CA10: variants seen among roughly 807,000 people sequenced by gnomAD.
CA10 encodes carbonic anhydrase 10 (inactive), also known as carbonic anhydrase-related protein 10.
CA10 carries 14 observed loss-of-function variants against 44.2 expected under a neutral mutation model. That is an observed-to-expected ratio of 0.32 (90% CI 0.21 to 0.50). The LOEUF (loss-of-function observed/expected upper bound fraction) is 0.50. Among genes scored for constraint, CA10 ranks in the 20% least tolerant of loss-of-function variants. CA10 has a pLI of 0.99. For missense variants in CA10, 350 were observed against 409.7 expected (o/e 0.85, Z 1.26); for synonymous variants, 159 against 141.6 (o/e 1.12, Z -0.87).
chr17:51,695,989 C>G (rs1021089533), intron 4 of CA10, among the ~76,000 whole-genome samples: 2 of 152,140 alleles, frequency 1.3e-5, no homozygotes, highest in Admixed American at 1.3e-4. Flanking sequence ...ATATATTGAA[C>G]CAACCTTGCA....
chr17:51,799,159 T>G (rs991690326), intron 3 of CA10, among the ~76,000 whole-genome samples: 1 of 152,216 alleles, frequency 6.6e-6, no homozygotes, highest in Non-Finnish European at 1.5e-5. Context: ...TCAATATGGT[T>G]CTTGGAAGGC....
At chr17:51,768,512 A>C (rs1905474485) in intron 3 of CA10, among the ~76,000 whole-genome samples, 1 of 152,214 alleles carries the variant, frequency 6.6e-6, no homozygotes, top group Non-Finnish European at 1.5e-5. Context: ...CTTAGTGCTC[A>C]ACTTTCAATA....
At chr17:51,854,690 T>C (rs542645966) in intron 3 of CA10, among the ~76,000 whole-genome samples, 2 of 151,852 alleles carry the variant, frequency 1.3e-5, no homozygotes, top group Non-Finnish European at 2.9e-5. Context: ...AGAGGGTATA[T>C]GGTACAAGGC....
chr17:51,925,344 C>T (rs1358280674), intron 3 of CA10, among the ~76,000 whole-genome samples: 4 of 151,868 alleles, frequency 2.6e-5, no homozygotes, highest in Non-Finnish European at 5.9e-5. Context: ...TGAAAGTCTG[C>T]CAATTCATTA....
chr17:52,150,070 A>G (rs1989671262), intron 1 of CA10, among the ~76,000 whole-genome samples: 1 of 152,148 alleles, frequency 6.6e-6, no homozygotes, highest in African/African-American at 2.4e-5. Context: ...AGTTGTGACT[A>G]TGTTCACTTT....
chr17:52,079,962 G>A (rs1048359153), intron 1 of CA10, among the ~76,000 whole-genome samples: 1 of 152,152 alleles, frequency 6.6e-6, no homozygotes, highest in Non-Finnish European at 1.5e-5. Context: ...AGAACATTGA[G>A]AATTGAACTG....
chr17:52,152,513 C>A (rs1989724445), intron 1 of CA10, among the ~76,000 whole-genome samples: 2 of 152,168 alleles, frequency 1.3e-5, no homozygotes, highest in Non-Finnish European at 2.9e-5. Context: ...TAATATACTC[C>A]TTTTCTTTCA....
At chr17:52,096,403 A>G (rs1408793987) in intron 1 of CA10, among the ~76,000 whole-genome samples, 1 of 152,182 alleles carries the variant, frequency 6.6e-6, no homozygotes, top group Non-Finnish European at 1.5e-5. Context: ...CCACTGGTCT[A>G]TCTTGTTTTC....
chr17:52,003,280 T>C (rs1985489678), intron 2 of CA10, among the ~76,000 whole-genome samples: 1 of 151,942 alleles, frequency 6.6e-6, no homozygotes, highest in South Asian at 2.1e-4. Flanking sequence ...CCTTTTTCAC[T>C]GTGACAACCA....
At chr17:51,976,111 A>C (rs1197179391) in intron 2 of CA10, among the ~76,000 whole-genome samples, 1 of 152,186 alleles carries the variant, frequency 6.6e-6, no homozygotes, top group African/African-American at 2.4e-5. Flanking sequence ...CATCAAGAAG[A>C]CATAAATCTT....
intron 2 of CA10, among the ~76,000 whole-genome samples, chr17:52,028,570 G>A (rs990260476): frequency 6.6e-6 from 1 of 152,142 alleles, no homozygotes; most frequent in Non-Finnish European, 1.5e-5. Context: ...TGGCTGTGGA[G>A]CCCTCCCAAA....
At chr17:52,036,590 T>G (rs138159905) in intron 2 of CA10, among the ~76,000 whole-genome samples, 3 of 152,234 alleles carry the variant, frequency 2.0e-5, no homozygotes, top group Non-Finnish European at 4.4e-5. Context: ...GAACAGATTG[T>G]GTAAGGCATA....
At chr17:51,814,941 C>T (rs1430506664) in intron 3 of CA10, among the ~76,000 whole-genome samples, 6 of 152,128 alleles carry the variant, frequency 3.9e-5, no homozygotes, top group East Asian at 1.9e-4. Flanking sequence ...CTTAAACATC[C>T]GGCCAAAGGT....
intron 3 of CA10, among the ~76,000 whole-genome samples, chr17:51,797,936 G>A (rs948398247): frequency 6.6e-6 from 1 of 151,284 alleles, no homozygotes; most frequent in Admixed American, 6.6e-5. Context: ...CTAGCATCTA[G>A]GGGCTACTGA....
chr17:51,810,760 T>G (rs1415610570), intron 3 of CA10, among the ~76,000 whole-genome samples: 4 of 152,146 alleles, frequency 2.6e-5, no homozygotes, highest in Non-Finnish European at 4.4e-5. Context: ...GGTTCCCTGT[T>G]GAGAAAAAGT....
At chr17:51,928,309 C>T (rs1982511947) in intron 3 of CA10, among the ~76,000 whole-genome samples, 1 of 152,044 alleles carries the variant, frequency 6.6e-6, no homozygotes, top group Admixed American at 6.6e-5. Context: ...AAATAAATCT[C>T]ATTTTTAAAT....
chr17:51,883,898 T>C (rs1039402792), intron 3 of CA10, among the ~76,000 whole-genome samples: 8 of 152,182 alleles, frequency 5.3e-5, no homozygotes, highest in African/African-American at 1.9e-4. Flanking sequence ...GTTTGACAAA[T>C]ATGTCAAACT....
intron 2 of CA10, among the ~76,000 whole-genome samples, chr17:51,931,372 C>A (rs1004851404): frequency 3.9e-5 from 6 of 152,104 alleles, no homozygotes; most frequent in African/African-American, 1.4e-4. Context: ...ACTCATCCTG[C>A]AGTTTCTTTG....
intron 3 of CA10, among the ~76,000 whole-genome samples, chr17:51,868,505 A>G (rs1171106363): frequency 6.6e-6 from 1 of 152,114 alleles, no homozygotes; most frequent in Non-Finnish European, 1.5e-5. Flanking sequence ...AACTGACCTT[A>G]TTTTACACTA....
Sources: allele counts gnomAD v4.1 joint callset (sites outside exome capture counted in the v4.1 genomes callset), GRCh38; gene constraint gnomAD v4.1.1; transcripts MANE v1.5; gene names NCBI Gene and HGNC (gene_info 2026-07-23, HGNC 2026-07-21).